The following DNAI3 variants were observed in gnomAD, a reference collection of about 807,000 sequenced individuals.
The protein encoded by DNAI3 is WD repeat domain 63.
Under a neutral mutation model 115.5 loss-of-function variants are expected in DNAI3, and 83 were observed. The ratio of observed to expected loss-of-function variants is 0.72; its 90% CI spans 0.60 to 0.86. DNAI3 has a LOEUF of 0.86. DNAI3 is among the 40% of genes least tolerant of loss of function. The probability of loss-of-function intolerance (pLI) is 0.00; values close to 1 mark genes in which losing one functional copy is unlikely to be tolerated. For synonymous variants in DNAI3, 320 were observed against 347.0 expected (o/e 0.92, Z 0.86); for missense variants, 1,004 against 1,075.8 (o/e 0.93, Z 0.93).
chr1:85,081,595 C>A (rs1654634322), intron 4 of DNAI3, among the ~76,000 whole-genome samples, 180 bp downstream of exon 4: 1 of 152,170 alleles, frequency 6.6e-6, no homozygotes, highest in African/African-American at 2.4e-5. Context: ...AAAGTTCCAT[C>A]AATGACTTGT....
intron 18 of DNAI3, among the ~76,000 whole-genome samples, chr1:85,122,390 C>T (rs958442775): frequency 2.0e-5 from 3 of 152,098 alleles, no homozygotes; most frequent in South Asian, 2.1e-4. Context: ...CACATCCAGG[C>T]GGGAGAAGGA....
chr1:85,087,434 C>CAAAAAAAAAAAAAAAAAAA (rs1162431713), intron 7 of DNAI3, among the ~76,000 whole-genome samples: 206 of 46,434 alleles, frequency 4.4e-3, no homozygotes, highest in Non-Finnish European at 5.3e-3. Flanking sequence ...GACTCCATCT[C>CAAAAAAAAAAAAAAAAAAA]AAAAAAAAAA....
chr1:85,121,804 C>T lies in DNAI3; in HGVS notation c.1971C>T (p.Gly657=). The change falls in exon 18 of 23, where the codon GGC becomes GGT. Residue 657 remains glycine (G), a synonymous_variant. Transcript: ENST00000294664. ...AAATGGAAAAAGACCCTGAAACTGG[C>T]CGACTTATGTGTAAGTTTTGTGATT... is the stretch of plus-strand genomic sequence containing the variant. ...DWKMEKDPET[G]RLMSKKPVSH... The T allele has an allele frequency of 1.2e-6, 2 of 1,614,080 alleles. No individual in the cohort carries two copies. Among genetic ancestry groups the T allele is most frequent in the Non-Finnish European group, 1.7e-6 (2 of 1,179,964 alleles).
At chr1:85,094,835 A>G (rs1008388442) in intron 10 of DNAI3, among the ~76,000 whole-genome samples, 2 of 152,202 alleles carry the variant, frequency 1.3e-5, no homozygotes, top group Non-Finnish European at 2.9e-5. Context: ...CTTTACTTGA[A>G]TACTAATTGG....
chr1:85,111,860 A>C (rs952778650), intron 16 of DNAI3, among the ~76,000 whole-genome samples: 2 of 152,120 alleles, frequency 1.3e-5, no homozygotes, highest in African/African-American at 4.8e-5. Context: ...ACATATGTAC[A>C]CACCCATGAA....
intron 16 of DNAI3, among the ~76,000 whole-genome samples, chr1:85,113,788 C>T (rs1041858590): frequency 3.9e-5 from 6 of 152,158 alleles, no homozygotes; most frequent in South Asian, 2.1e-4. Flanking sequence ...TGAGAATTAG[C>T]GTCTAACAAA....
intron 3 of DNAI3, among the ~76,000 whole-genome samples, chr1:85,074,711 AT>A (rs1359425645): frequency 6.6e-6 from 1 of 152,196 alleles, no homozygotes; most frequent in African/African-American, 2.4e-5. Flanking sequence ...GAATTAGCCA[AT>A]ACTGGACTAT....
Position 85,074,229 on chromosome 1 carries a change from C to T in DNAI3, c.103+1137C>T, listed in dbSNP as rs548256262. On this transcript the variant is annotated intron_variant, in intron 3 of 22. Coordinates refer to ENST00000294664, the MANE Select transcript of DNAI3 (RefSeq NM_145172.5). ...TCACATCGGTTAGTTCCCAAGGCTCCTATTTGATATCACTGCTTCCACTCA... is the reference window on the plus strand; with the variant it reads ...TCACATCGGTTAGTTCCCAAGGCTCTTATTTGATATCACTGCTTCCACTCA... Among the ~76,000 whole-genome samples, 3 of 152,330 alleles carry T rather than the reference C, an allele frequency of 2.0e-5. No homozygotes were observed. The South Asian group carries it at 6.2e-4, about 32-fold the overall frequency.
intron 21 of DNAI3, among the ~76,000 whole-genome samples, chr1:85,129,172 C>T (rs1656239399): frequency 2.0e-5 from 3 of 152,150 alleles, no homozygotes; most frequent in South Asian, 4.1e-4. Context: ...CCACCCCCTC[C>T]GGCTCCCAAC....
intron 2 of DNAI3, 52 bp from the exon 3 acceptor site, chr1:85,073,002 A>G: frequency 1.1e-6 from 1 of 902,420 alleles, no homozygotes; most frequent in Non-Finnish European, 1.7e-6. Context: ...TAATAAATTG[A>G]GATGTATTTG....
chr1:85,111,126 G>A (rs566712029), intron 16 of DNAI3, among the ~76,000 whole-genome samples: 3 of 152,284 alleles, frequency 2.0e-5, no homozygotes, highest in African/African-American at 7.2e-5. Flanking sequence ...ATTTTTCAAT[G>A]TTAAATGATA....
chr1:85,095,612 C>A (rs1571175986), intron 10 of DNAI3, among the ~76,000 whole-genome samples: 1 of 152,306 alleles, frequency 6.6e-6, no homozygotes, highest in Middle Eastern at 3.4e-3. Flanking sequence ...TTCAGGAACA[C>A]TAATTTCATA....
At chr1:85,081,752 A>G (rs868601785) in intron 4 of DNAI3, among the ~76,000 whole-genome samples, 1 of 152,138 alleles carries the variant, frequency 6.6e-6, no homozygotes, top group South Asian at 2.1e-4. Flanking sequence ...GGTTCAAGCA[A>G]TCCTCCCGTT....
intron 1 of DNAI3, among the ~76,000 whole-genome samples, chr1:85,066,376 G>T (rs544856531): frequency 7.3e-6 from 1 of 137,512 alleles, no homozygotes; most frequent in African/African-American, 2.7e-5. Flanking sequence ...AGGCTGGAGT[G>T]CAGTGGCATG....
intron 5 of DNAI3, among the ~76,000 whole-genome samples, chr1:85,083,894 T>C (rs1345543983): frequency 2.0e-5 from 3 of 152,038 alleles, no homozygotes; most frequent in East Asian, 1.9e-4. Context: ...ATGGATCTTA[T>C]AGTCTTATTA....
chr1:85,117,025 A>G (rs1233206668), intron 16 of DNAI3, among the ~76,000 whole-genome samples: 1 of 152,022 alleles, frequency 6.6e-6, no homozygotes, highest in African/African-American at 2.4e-5. Context: ...GGTTGGTTTT[A>G]TGGCTTTTTG....
chr1:85,123,191 G>T (rs998381251), intron 18 of DNAI3, among the ~76,000 whole-genome samples: 1 of 151,946 alleles, frequency 6.6e-6, no homozygotes, highest in African/African-American at 2.4e-5. Context: ...CTTAGACCAC[G>T]CCACCATCCT....
intron 1 of DNAI3, among the ~76,000 whole-genome samples, chr1:85,065,340 T>G (rs1194990762): frequency 6.6e-6 from 1 of 152,090 alleles, no homozygotes; most frequent in African/African-American, 2.4e-5. Flanking sequence ...CTCTCTAAAA[T>G]AAAATGTTTA....
At chr1:85,094,241 A>G in intron 9 of DNAI3, 190 bp from the exon 10 acceptor site, 4 of 689,096 alleles carry the variant, frequency 5.8e-6, no homozygotes, top group Non-Finnish European at 9.8e-6. Flanking sequence ...TGGACCAGCC[A>G]GATTTCAAGT....
Sources: gnomAD v4.1 joint callset for allele counts (sites outside exome capture counted in the v4.1 genomes callset) on GRCh38, gnomAD v4.1.1 for gene constraint, MANE v1.5 for transcripts, NCBI Gene and HGNC (gene_info 2026-07-23, HGNC 2026-07-21) for gene names.